Variants in PRDM16 observed in about 807,000 individuals in gnomAD.
PRDM16 encodes histone-lysine N-methyltransferase PRDM16.
In PRDM16, 23 loss-of-function variants were observed where a neutral mutation model predicts 110.6. That is an observed-to-expected ratio of 0.21 (90% CI 0.15 to 0.29). PRDM16 has a LOEUF of 0.29. Among genes scored for constraint, PRDM16 ranks in the 10% least tolerant of loss-of-function variants. The pLI, the probability that PRDM16 is intolerant of heterozygous loss-of-function variation, is 1.00. For synonymous variants in PRDM16, 799 were observed against 781.8 expected (o/e 1.02, Z -0.37); for missense variants, 1,615 against 1,794.3 (o/e 0.90, Z 1.81).
intron 1 of PRDM16, among the ~76,000 whole-genome samples, chr1:3,121,612 A>C (rs1643095428): frequency 6.6e-6 from 1 of 152,226 alleles, no homozygotes; most frequent in Non-Finnish European, 1.5e-5. Flanking sequence ...TGAGAAATGA[A>C]TGGGCTTCCG....
chr1:3,313,404 C>T (rs1267632274), intron 3 of PRDM16, among the ~76,000 whole-genome samples: 5 of 152,222 alleles, frequency 3.3e-5, no homozygotes, highest in Non-Finnish European at 7.3e-5. Context: ...TCTCCTTTGA[C>T]GTCTCGAGCA....
chr1:3,114,305 GCA>G (rs147568946), intron 1 of PRDM16, among the ~76,000 whole-genome samples: 54,707 of 141,246 alleles, frequency 0.39, 10,554 homozygotes, highest in South Asian at 0.56. Flanking sequence ...GCACACGCAC[GCA>G]CACACACGCA....
chr1:3,103,508 A>C (rs551695885), intron 1 of PRDM16, among the ~76,000 whole-genome samples: 1 of 152,352 alleles, frequency 6.6e-6, no homozygotes, highest in East Asian at 1.9e-4. Flanking sequence ...GTTGACTGGC[A>C]GTGGCTCTTT....
At chr1:3,278,305 T>C (rs946474617) in intron 3 of PRDM16, among the ~76,000 whole-genome samples, 3 of 152,160 alleles carry the variant, frequency 2.0e-5, no homozygotes, top group Non-Finnish European at 4.4e-5. Flanking sequence ...AAGGGGCGTC[T>C]TTCCTAGGGA....
rs1214756052 is a variant in PRDM16 at position 3,358,750 on chromosome 1, A to G, written c.439-26402A>G. On this transcript the variant is annotated intron_variant, in intron 3 of 16. Coordinates refer to ENST00000270722, the MANE Select transcript of PRDM16 (RefSeq NM_022114.4). This position sits in a 1 kb window ranked among gnomAD's most constrained non-coding sequence, Gnocchi z 4.0. ...GAGCTGAGTAACCTGCTCCAAACCCAGGACACTGTGTGTGAGTCCCACCTC... is the reference window on the plus strand; with the variant it reads ...GAGCTGAGTAACCTGCTCCAAACCCGGGACACTGTGTGTGAGTCCCACCTC... Among the ~76,000 whole-genome samples the G allele has an allele frequency of 6.6e-6, 1 of 152,166 alleles. No homozygotes were observed. Among genetic ancestry groups the G allele is most frequent in the South Asian group, 2.1e-4 (1 of 4,826 alleles).
intron 3 of PRDM16, among the ~76,000 whole-genome samples, chr1:3,318,878 A>G (rs1357459266): frequency 6.6e-6 from 1 of 152,262 alleles, no homozygotes; most frequent in Non-Finnish European, 1.5e-5. Flanking sequence ...GCTTGCTGCC[A>G]GGACTCTCCC....
Position 3,390,839 on chromosome 1 carries a change from T to G in PRDM16, c.573+5553T>G, listed in dbSNP as rs2493282. ...GCTTTTATCTCTCACAGTGTGTTTTTTTTTTTTTTTTTTTAGACAGAGTTT... is the reference window on the plus strand; with the variant it reads ...GCTTTTATCTCTCACAGTGTGTTTTGTTTTTTTTTTTTTTAGACAGAGTTT... On this transcript the variant is annotated intron_variant, in intron 4 of 16. Transcript: ENST00000270722. This position sits in a 1 kb window ranked among gnomAD's most constrained non-coding sequence, Gnocchi z 5.0. 0.087 allele frequency among the ~76,000 whole-genome samples: 13,096 copies of G among 150,594 alleles called. 591 individuals carry two copies. Among genetic ancestry groups the G allele is most frequent in the African/African-American group, 0.11 (4,581 of 41,020 alleles).
intron 1 of PRDM16, among the ~76,000 whole-genome samples, chr1:3,140,064 G>A (rs1410426931): frequency 2.0e-5 from 3 of 152,240 alleles, no homozygotes; most frequent in East Asian, 1.9e-4. Flanking sequence ...ACAAAGTCAC[G>A]AGCGAGACTG....
intron 1 of PRDM16, among the ~76,000 whole-genome samples, chr1:3,122,005 G>A (rs1211481519): frequency 6.6e-6 from 1 of 152,262 alleles, no homozygotes; most frequent in Non-Finnish European, 1.5e-5. Context: ...GGTATCGCCA[G>A]ATCTTTTCTA....
chr1:3,282,944 G>C (rs559196195), intron 3 of PRDM16, among the ~76,000 whole-genome samples: 2 of 152,228 alleles, frequency 1.3e-5, no homozygotes, highest in Non-Finnish European at 2.9e-5. Flanking sequence ...TAGAGGAGGG[G>C]CGTCTCCCTT....
chr1:3,122,682 C>T (rs887333871), intron 1 of PRDM16, among the ~76,000 whole-genome samples: 4 of 152,282 alleles, frequency 2.6e-5, no homozygotes, highest in African/African-American at 4.8e-5. Flanking sequence ...TCCCCCCCTC[C>T]GTGCTGCCCC....
intron 1 of PRDM16, among the ~76,000 whole-genome samples, chr1:3,176,824 CCATTCATCCATT>C (rs1444058202): frequency 6.6e-6 from 1 of 151,752 alleles, no homozygotes; most frequent in African/African-American, 2.4e-5. Flanking sequence ...ACCCACCCAT[CCATTCATCCATT>C]CATTCATTAA....
At chr1:3,230,459 A>G (rs1639380862) in intron 2 of PRDM16, among the ~76,000 whole-genome samples, 2 of 152,206 alleles carry the variant, frequency 1.3e-5, no homozygotes, top group Non-Finnish European at 2.9e-5. Context: ...CCCATCCCAG[A>G]GGAGGTTGAA....
chr1:3,365,573 A>G (rs1405126301), intron 3 of PRDM16, among the ~76,000 whole-genome samples: 5 of 152,172 alleles, frequency 3.3e-5, no homozygotes, highest in Non-Finnish European at 7.4e-5. Context: ...GTGCCCCCAG[A>G]GTCAGCCAAC....
In PRDM16 at chr1:3,143,062, C is replaced by T. The variant is rs1569672366; in HGVS notation, c.38-43063C>T. ...GAGATCACATAGGGGCTGGAGAATT[C>T]GTACCCGCGGGCACCCATGGAAGCC... On this transcript the variant is annotated intron_variant, in intron 1 of 16. Coordinates refer to ENST00000270722, the MANE Select transcript of PRDM16 (RefSeq NM_022114.4). This position sits in a 1 kb window ranked among gnomAD's most constrained non-coding sequence, Gnocchi z 4.5. Among the ~76,000 whole-genome samples the T allele has an allele frequency of 6.6e-6, 1 of 152,202 alleles. No homozygotes were observed. Among genetic ancestry groups the T allele is most frequent in the Admixed American group, 6.5e-5 (1 of 15,286 alleles).
intron 1 of PRDM16, among the ~76,000 whole-genome samples, chr1:3,078,390 C>T (rs939276823): frequency 8.5e-5 from 13 of 152,214 alleles, no homozygotes; most frequent in Non-Finnish European, 1.6e-4. Flanking sequence ...AGTGGTCCCT[C>T]GCCTGGGGGT....
chr1:3,129,048 G>A (rs1643274145), intron 1 of PRDM16, among the ~76,000 whole-genome samples: 1 of 152,212 alleles, frequency 6.6e-6, no homozygotes, highest in Non-Finnish European at 1.5e-5. Flanking sequence ...GGAGTCTGGT[G>A]CATGTGTGTG....
intron 12 of PRDM16, among the ~76,000 whole-genome samples, chr1:3,420,504 A>C (rs927036677): frequency 3.3e-5 from 5 of 152,208 alleles, no homozygotes; most frequent in African/African-American, 1.2e-4. Flanking sequence ...CAGGCTTCTC[A>C]TGGGTTGCCT....
chr1:3,324,131 C>T (rs1557608789), intron 3 of PRDM16, among the ~76,000 whole-genome samples: 1 of 151,990 alleles, frequency 6.6e-6, no homozygotes, highest in Admixed American at 6.5e-5. Flanking sequence ...GCCTTGATGC[C>T]GCCAAGAGGG....
Sources: gnomAD v4.1 joint callset for allele counts (sites outside exome capture counted in the v4.1 genomes callset) on GRCh38, gnomAD v4.1.1 for gene constraint, Gnocchi (gnomAD v3.1) non-coding constraint, MANE v1.5 for transcripts, NCBI Gene and HGNC (gene_info 2026-07-23, HGNC 2026-07-21) for gene names.